The following KAZN variants were observed in gnomAD, a reference collection of about 807,000 sequenced individuals.
The protein encoded by KAZN is kazrin, periplakin interacting protein, also known as kazrin.
KAZN carries 40 observed loss-of-function variants against 87.4 expected under a neutral mutation model. That is an observed-to-expected ratio of 0.46 (90% CI 0.36 to 0.60). The LOEUF (loss-of-function observed/expected upper bound fraction) is 0.60. Ranked by LOEUF, KAZN falls within the 20% of genes least tolerant of loss-of-function variation. The pLI is 0.00. For synonymous variants in KAZN, 466 were observed against 458.3 expected, an observed-to-expected ratio of 1.02 and a Z score of -0.22; for missense variants, 898 against 1,073.9, an observed-to-expected ratio of 0.84 and a Z score of 2.29.
intron 2 of KAZN, among the ~76,000 whole-genome samples, chr1:14,214,922 A>C (rs999703871): frequency 1.3e-5 from 2 of 152,218 alleles, no homozygotes; most frequent in Non-Finnish European, 2.9e-5. Flanking sequence ...AATGATAGAA[A>C]ACACAGGTAA....
At chr1:14,042,227 T>A (rs1244396058) in intron 1 of KAZN, among the ~76,000 whole-genome samples, 1 of 152,152 alleles carries the variant, frequency 6.6e-6, no homozygotes, top group Non-Finnish European at 1.5e-5. Context: ...AAATTTCTAC[T>A]CCTTTTACAG....
chr1:14,989,401 G>A (rs1021681715), intron 2 of KAZN, among the ~76,000 whole-genome samples: 9 of 152,190 alleles, frequency 5.9e-5, no homozygotes, highest in Admixed American at 5.9e-4. Flanking sequence ...GCTTTAACCC[G>A]GGAGCTGGAG....
At chr1:15,005,602 G>A (rs1557707910) in intron 2 of KAZN, among the ~76,000 whole-genome samples, 1 of 152,124 alleles carries the variant, frequency 6.6e-6, no homozygotes, top group African/African-American at 2.4e-5. Flanking sequence ...CCTGGCCAAT[G>A]TGGCAAAACC....
At position 14,060,311 on chromosome 1, in the gene KAZN, C is replaced by T. The variant is rs190792070; in HGVS notation, c.92-120124C>T. 3.4e-5 allele frequency among the ~76,000 whole-genome samples: 5 copies of T among 148,886 alleles called. No homozygotes were observed. In the Admixed American group the frequency reaches 3.4e-4, roughly 10 times the overall value. ...CCGGGAGGCGGAGCTTACAGTGAGC[C>T]GAGATCGCGCCACTGCAGTCCAGCC... On this transcript the variant is annotated intron_variant, in intron 1 of 16. Transcript: ENST00000636203.
chr1:14,089,139 A>G (rs1361509441), intron 1 of KAZN, among the ~76,000 whole-genome samples: 1 of 151,942 alleles, frequency 6.6e-6, no homozygotes, highest in African/African-American at 2.4e-5. Flanking sequence ...ACCAAAATGG[A>G]TGCTGTATCT....
At chr1:14,911,924 G>A (rs975903648) in intron 1 of KAZN, among the ~76,000 whole-genome samples, 7 of 152,176 alleles carry the variant, frequency 4.6e-5, no homozygotes, top group Admixed American at 3.9e-4. Context: ...GGCCGAGGCA[G>A]GTAGATCACC....
intron 2 of KAZN, among the ~76,000 whole-genome samples, chr1:14,539,987 C>T (rs1672713604): frequency 6.6e-6 from 1 of 152,094 alleles, no homozygotes; most frequent in Admixed American, 6.6e-5. Flanking sequence ...TGTATAAACT[C>T]GCTCACCATC....
At chr1:15,013,406 T>G (rs6429702) in intron 2 of KAZN, among the ~76,000 whole-genome samples, 129,829 of 152,130 alleles carry the variant, frequency 0.85, 55,458 homozygotes, top group South Asian at 0.87. Flanking sequence ...AGAAAAAAAT[T>G]AAGTATGGAA....
rs930978315 is a variant in KAZN at position 14,672,965 on chromosome 1, A to C, written c.226+73742A>C. Among the ~76,000 whole-genome samples, 3 of 152,352 alleles carry C rather than the reference A, an allele frequency of 2.0e-5. 1 individual carries two copies. The stretch of plus-strand genomic sequence containing the variant: ...AGGCACAGCCTGATCGTTGGATCCC[A>C]GGCCACGTGCAAAAGAGGCCGAGAA... On this transcript the variant is annotated intron_variant, in intron 1 of 14. Coordinates refer to ENST00000376030, the MANE Select transcript of KAZN (RefSeq NM_201628.3).
At chr1:14,664,170 C>A (rs946803951) in intron 1 of KAZN, among the ~76,000 whole-genome samples, 1 of 152,210 alleles carries the variant, frequency 6.6e-6, no homozygotes, top group Non-Finnish European at 1.5e-5. Flanking sequence ...TAGTGGCTCA[C>A]GCCTGTCATC....
At chr1:14,166,000 C>T (rs533276087) in intron 1 of KAZN, among the ~76,000 whole-genome samples, 7 of 152,108 alleles carry the variant, frequency 4.6e-5, no homozygotes, top group African/African-American at 7.2e-5. Flanking sequence ...TGCGTAAGGC[C>T]GGAAAGGGGC....
intron 1 of KAZN, among the ~76,000 whole-genome samples, chr1:13,977,167 G>C (rs1638403954): frequency 6.6e-6 from 1 of 152,142 alleles, no homozygotes; most frequent in African/African-American, 2.4e-5. Flanking sequence ...TTCATTCTTT[G>C]TTCTTGTTTT....
In KAZN at chr1:14,085,260, T is replaced by C. The variant is rs139419942; in HGVS notation, c.92-95175T>C. On this transcript the variant is annotated intron_variant, in intron 1 of 16. Coordinates refer to the KAZN transcript ENST00000636203. ...TGTGACTTTTTGGATGTAATTGCTT[T>C]GTCAGTTTTATTGGGGCATAATTTA... 6.5e-3 allele frequency among the ~76,000 whole-genome samples: 988 copies of C among 152,356 alleles called. 10 individuals carry two copies. In the South Asian group the frequency reaches 0.066, roughly 10 times the overall value.
intron 1 of KAZN, among the ~76,000 whole-genome samples, chr1:14,797,592 C>T (rs1645868802): frequency 6.6e-6 from 1 of 152,122 alleles, no homozygotes; most frequent in South Asian, 2.1e-4. Context: ...AAAATGAGGG[C>T]AATCTCATTC....
intron 10 of KAZN, among the ~76,000 whole-genome samples, chr1:15,101,189 C>CTCT (rs1573306187): frequency 4.8e-5 from 2 of 41,692 alleles, no homozygotes; most frequent in Non-Finnish European, 1.2e-4. Flanking sequence ...TCTCTCTCTG[C>CTCT]CTCTTCCTCT....
At chr1:14,301,302 C>T (rs550096759) in intron 2 of KAZN, among the ~76,000 whole-genome samples, 14 of 152,296 alleles carry the variant, frequency 9.2e-5, no homozygotes, top group African/African-American at 3.4e-4. Context: ...AGAGTTTGAT[C>T]CTGACTGTTC....
chr1:14,044,390 G>GCC (rs5772559), intron 1 of KAZN, among the ~76,000 whole-genome samples: 12 of 151,642 alleles, frequency 7.9e-5, no homozygotes, highest in Admixed American at 2.0e-4. Flanking sequence ...TCACTGTTCC[G>GCC]CCCCCCACCA....
At chr1:14,406,044 G>A (rs985012880) in intron 2 of KAZN, among the ~76,000 whole-genome samples, 1 of 152,124 alleles carries the variant, frequency 6.6e-6, no homozygotes, top group East Asian at 1.9e-4. Flanking sequence ...CACACAATAG[G>A]GTGACTATGG....
chr1:14,454,033 A>C (rs1044431155), intron 2 of KAZN, among the ~76,000 whole-genome samples: 1 of 152,220 alleles, frequency 6.6e-6, no homozygotes, highest in Non-Finnish European at 1.5e-5. Flanking sequence ...GGTATATTTC[A>C]CAGGCAATGA....
Sources: allele counts gnomAD v4.1 joint callset (sites outside exome capture counted in the v4.1 genomes callset), GRCh38; gene constraint gnomAD v4.1.1; transcripts MANE v1.5; gene names NCBI Gene and HGNC (gene_info 2026-07-23, HGNC 2026-07-21).